Variants in AGBL4 observed in about 807,000 individuals in gnomAD.
AGBL4 encodes AGBL carboxypeptidase 4, also known as cytosolic carboxypeptidase 6.
A neutral mutation model predicts 66.4 loss-of-function variants in AGBL4; 58 were observed. That is an observed-to-expected ratio of 0.87 (90% confidence interval 0.71 to 1.09). The LOEUF is 1.09. AGBL4 is among the 50% of genes least tolerant of loss of function. The probability of loss-of-function intolerance (pLI) is 0.00; values close to 1 mark genes in which losing one functional copy is unlikely to be tolerated. For missense variants in AGBL4, 579 were observed against 631.0 expected (o/e 0.92, Z 0.88); for synonymous variants, 234 against 222.9 (o/e 1.05, Z -0.44).
chr1:48,757,527 A>G (rs1167859455), intron 6 of AGBL4, among the ~76,000 whole-genome samples: 1 of 152,180 alleles, frequency 6.6e-6, no homozygotes, highest in East Asian at 1.9e-4. Flanking sequence ...ACTAGAGTTG[A>G]GACAGAACTC....
chr1:49,433,332 G>A (rs1461653172), intron 3 of AGBL4, among the ~76,000 whole-genome samples: 1 of 152,118 alleles, frequency 6.6e-6, no homozygotes, highest in Non-Finnish European at 1.5e-5. Context: ...TTGTGGGACT[G>A]AACTCTCAAT....
At chr1:48,997,664 A>C (rs1483749664) in intron 5 of AGBL4, among the ~76,000 whole-genome samples, 1 of 152,206 alleles carries the variant, frequency 6.6e-6, no homozygotes, top group Non-Finnish European at 1.5e-5. Context: ...TACCAGTTGT[A>C]AGACTCTCAC....
chr1:49,646,363 T>C (rs1558129011), intron 3 of AGBL4, among the ~76,000 whole-genome samples: 1 of 152,088 alleles, frequency 6.6e-6, no homozygotes, highest in East Asian at 1.9e-4. Flanking sequence ...AAGATCAATA[T>C]GCAGAACTCA....
intron 3 of AGBL4, among the ~76,000 whole-genome samples, chr1:49,636,800 T>C (rs1378473649): frequency 6.6e-6 from 1 of 152,156 alleles, no homozygotes; most frequent in African/African-American, 2.4e-5. Context: ...ATCTGCATGA[T>C]CCAATGAGTA....
chr1:50,010,347 A>G (rs1436344064), intron 1 of AGBL4, among the ~76,000 whole-genome samples: 1 of 152,092 alleles, frequency 6.6e-6, no homozygotes, highest in Non-Finnish European at 1.5e-5. Context: ...GGAAGAATCA[A>G]TATTGTTAAA....
intron 5 of AGBL4, among the ~76,000 whole-genome samples, chr1:49,036,460 G>A (rs1664660340): frequency 6.6e-6 from 1 of 152,126 alleles, no homozygotes; most frequent in South Asian, 2.1e-4. Context: ...ACACCATGGA[G>A]TATAAAGAAA....
chr1:49,181,902 G>C (rs952263528), intron 4 of AGBL4, among the ~76,000 whole-genome samples: 3 of 152,160 alleles, frequency 2.0e-5, no homozygotes, highest in Non-Finnish European at 2.9e-5. Context: ...AGGAATAACA[G>C]AAGAATAGAG....
intron 11 of AGBL4, among the ~76,000 whole-genome samples, chr1:48,576,242 C>T (rs1644651815): frequency 1.3e-5 from 2 of 152,172 alleles, no homozygotes; most frequent in African/African-American, 4.8e-5. Context: ...GTGAACTATG[C>T]ATATGAGGGA....
chr1:49,061,602 C>T (rs1644404020), intron 4 of AGBL4, among the ~76,000 whole-genome samples: 2 of 152,102 alleles, frequency 1.3e-5, no homozygotes, highest in African/African-American at 4.8e-5. Context: ...GTGTGACCAG[C>T]AGGCTGGATT....
intron 3 of AGBL4, among the ~76,000 whole-genome samples, chr1:49,250,545 G>C (rs534224768): frequency 6.7e-6 from 1 of 149,832 alleles, no homozygotes; most frequent in East Asian, 2.0e-4. Context: ...CTGGGTTCAA[G>C]CGATTCTCCT....
intron 2 of AGBL4, among the ~76,000 whole-genome samples, chr1:49,829,990 GCA>G (rs1645616124): frequency 6.6e-6 from 1 of 152,076 alleles, no homozygotes; most frequent in Non-Finnish European, 1.5e-5. Context: ...GTGTATATGT[GCA>G]CATTTTCTTT....
At chr1:49,018,186 G>C (rs1662966232) in intron 5 of AGBL4, among the ~76,000 whole-genome samples, 1 of 152,164 alleles carries the variant, frequency 6.6e-6, no homozygotes, top group Non-Finnish European at 1.5e-5. Context: ...CTCAGTTTCT[G>C]AGCCAGTCCT....
Position 49,405,809 on chromosome 1 carries a change from A to T in AGBL4, c.283-159945T>A, listed in dbSNP as rs149681903. ...CAGTAAAAAACAAGATGTTTGCCAA[A>T]TATTCCCTATGTTTCTGTCAGAATG... On this transcript the variant is annotated intron_variant, in intron 3 of 13. Coordinates refer to ENST00000371839, the MANE Select transcript of AGBL4 (RefSeq NM_032785.4). Among the ~76,000 whole-genome samples the T allele has an allele frequency of 2.5e-4, 38 of 152,346 alleles. No individual in the cohort carries two copies. In the East Asian group the frequency reaches 5.2e-3, roughly 21 times the overall value.
At chr1:49,705,725 AG>A (rs1401937494) in intron 2 of AGBL4, among the ~76,000 whole-genome samples, 1 of 151,212 alleles carries the variant, frequency 6.6e-6, no homozygotes, top group African/African-American at 2.4e-5. Context: ...ATCATTACCT[AG>A]TTTATTGAGT....
chr1:48,674,923 A>G (rs17104638), intron 6 of AGBL4, among the ~76,000 whole-genome samples: 3,152 of 152,208 alleles, frequency 0.021, 120 homozygotes, highest in African/African-American at 0.071. Flanking sequence ...CCAGCAGTAT[A>G]ATAGTAATTT....
At chr1:49,939,867 A>C (rs567081927) in intron 1 of AGBL4, among the ~76,000 whole-genome samples, 2 of 152,212 alleles carry the variant, frequency 1.3e-5, no homozygotes, top group African/African-American at 2.4e-5. Context: ...TAATTAAACT[A>C]AAGAGCTTCT....
At chr1:49,038,907 T>A (rs1278916628) in intron 5 of AGBL4, among the ~76,000 whole-genome samples, 1 of 152,126 alleles carries the variant, frequency 6.6e-6, no homozygotes, top group Non-Finnish European at 1.5e-5. Flanking sequence ...TGCTGATGTT[T>A]ACAGCAGCTT....
chr1:49,595,655 AT>A (rs1644838698), intron 3 of AGBL4, among the ~76,000 whole-genome samples: 1 of 152,056 alleles, frequency 6.6e-6, no homozygotes, highest in East Asian at 1.9e-4. Flanking sequence ...GATTGATGAC[AT>A]TTTTAAATGA....
At chr1:49,822,839 C>A (rs1054896630) in intron 2 of AGBL4, among the ~76,000 whole-genome samples, 3 of 152,126 alleles carry the variant, frequency 2.0e-5, no homozygotes, top group South Asian at 2.1e-4. Flanking sequence ...TTGCAAAATT[C>A]ATTTCTTATT....
Sources: gnomAD v4.1 joint callset for allele counts (sites outside exome capture counted in the v4.1 genomes callset) on GRCh38, gnomAD v4.1.1 for gene constraint, MANE v1.5 for transcripts, NCBI Gene and HGNC (gene_info 2026-07-23, HGNC 2026-07-21) for gene names.